LRMDA: variants seen among roughly 807,000 people sequenced by gnomAD.
The protein encoded by LRMDA is leucine-rich melanocyte differentiation-associated protein.
LRMDA carries 18 observed loss-of-function variants against 29.8 expected under a neutral mutation model. That is an observed-to-expected ratio of 0.60 (90% CI 0.42 to 0.90). The LOEUF is 0.90. Among genes scored for constraint, LRMDA ranks in the 40% least tolerant of loss-of-function variants. LRMDA has a pLI of 0.00. For missense variants in LRMDA, 273 were observed against 273.9 expected (o/e 1.00, Z 0.02); for synonymous variants, 125 against 109.4 (o/e 1.14, Z -0.89).
intron 2 of LRMDA, among the ~76,000 whole-genome samples, chr10:75,563,539 C>T (rs1313279119): frequency 5.3e-5 from 8 of 152,330 alleles, no homozygotes. Flanking sequence ...TCGTCAAAGT[C>T]ATTCTCCGTC....
chr10:75,460,837 T>A (rs899548550), intron 2 of LRMDA, among the ~76,000 whole-genome samples: 1 of 152,242 alleles, frequency 6.6e-6, no homozygotes, highest in African/African-American at 2.4e-5. Context: ...TTGATTGACA[T>A]ATTTATATAT....
At chr10:75,669,478 A>G (rs2132141702) in intron 2 of LRMDA, among the ~76,000 whole-genome samples, 1 of 152,316 alleles carries the variant, frequency 6.6e-6, no homozygotes. Context: ...TTGCATTTCT[A>G]AGTCACATAC....
chr10:76,363,276 A>AAAGG (rs1212066726), intron 6 of LRMDA, among the ~76,000 whole-genome samples: 605 of 58,850 alleles, frequency 0.01, 102 homozygotes, highest in Middle Eastern at 0.04. Flanking sequence ...GGAAGGAAGG[A>AAAGG]AAGGAAGGAA....
intron 2 of LRMDA, among the ~76,000 whole-genome samples, chr10:75,684,946 G>A (rs1481023137): frequency 6.6e-6 from 1 of 152,212 alleles, no homozygotes; most frequent in African/African-American, 2.4e-5. Flanking sequence ...GTGTGGCCAG[G>A]CATCTGTATT....
chr10:76,451,642 C>CT (rs777043341), intron 6 of LRMDA, among the ~76,000 whole-genome samples: 2,126 of 129,924 alleles, frequency 0.016, 36 homozygotes, highest in African/African-American at 0.033. Context: ...TTCTCCAATG[C>CT]TTTTTTTTTT....
intron 2 of LRMDA, among the ~76,000 whole-genome samples, chr10:75,491,406 A>C (rs1352429113): frequency 1.3e-5 from 2 of 152,204 alleles, no homozygotes; most frequent in African/African-American, 4.8e-5. Context: ...GGCCTGCGGC[A>C]CTGGCTAGTT....
intron 5 of LRMDA, among the ~76,000 whole-genome samples, chr10:76,136,326 T>C (rs979579581): frequency 6.6e-6 from 1 of 152,210 alleles, no homozygotes; most frequent in East Asian, 1.9e-4. Context: ...ATTCCCTAGA[T>C]AATTCTGTTT....
intron 2 of LRMDA, among the ~76,000 whole-genome samples, chr10:75,626,049 A>G (rs1473127023): frequency 6.6e-6 from 1 of 150,646 alleles, no homozygotes; most frequent in African/African-American, 2.4e-5. Context: ...TTTAGTAGAG[A>G]CGGGGTCTTG....
At chr10:76,457,429 C>T (rs1281870059) in intron 6 of LRMDA, among the ~76,000 whole-genome samples, 1 of 152,166 alleles carries the variant, frequency 6.6e-6, no homozygotes, top group Non-Finnish European at 1.5e-5. Context: ...CAAGGTGACA[C>T]TGCTTTTTCG....
At chr10:75,684,250 C>G (rs1317151573) in intron 2 of LRMDA, among the ~76,000 whole-genome samples, 1 of 152,118 alleles carries the variant, frequency 6.6e-6, no homozygotes, top group East Asian at 1.9e-4. Flanking sequence ...CTTTAAGAAA[C>G]CTTTAAGCTT....
chr10:75,728,981 A>G (rs1028545762), intron 2 of LRMDA, among the ~76,000 whole-genome samples: 16 of 152,024 alleles, frequency 1.1e-4, no homozygotes, highest in Admixed American at 2.0e-4. Context: ...CACTCTCTCT[A>G]TTAGCCTCCT....
intron 6 of LRMDA, among the ~76,000 whole-genome samples, chr10:76,408,783 C>A (rs1467955644): frequency 3.3e-5 from 5 of 152,172 alleles, no homozygotes; most frequent in Admixed American, 6.5e-5. Flanking sequence ...CACTGCTGGG[C>A]AATTTCTTCC....
chr10:75,606,554 T>C (rs1279751286), intron 2 of LRMDA, among the ~76,000 whole-genome samples: 1 of 152,196 alleles, frequency 6.6e-6, no homozygotes, highest in Non-Finnish European at 1.5e-5. Flanking sequence ...ACTGCACCTT[T>C]CTATTTCAAA....
chr10:75,890,235 CAA>C (rs1387372803), intron 2 of LRMDA, among the ~76,000 whole-genome samples: 3 of 152,088 alleles, frequency 2.0e-5, no homozygotes, highest in African/African-American at 7.2e-5. Context: ...GAAAATCTGT[CAA>C]AGTCAAAAAT....
chr10:75,982,714 C>T (rs1847194058), intron 2 of LRMDA, among the ~76,000 whole-genome samples: 2 of 152,112 alleles, frequency 1.3e-5, no homozygotes. Flanking sequence ...AAAAGGCATC[C>T]AAAACACCTG....
chr10:76,367,542 A>C (rs2132453679), intron 6 of LRMDA, among the ~76,000 whole-genome samples: 1 of 152,060 alleles, frequency 6.6e-6, no homozygotes, highest in South Asian at 2.1e-4. Context: ...CTCCTGCCTC[A>C]GCCTCGCAAG....
chr10:76,143,080 C>G (rs1003377145), intron 5 of LRMDA, among the ~76,000 whole-genome samples: 3 of 152,152 alleles, frequency 2.0e-5, no homozygotes, highest in African/African-American at 7.2e-5. Context: ...TTTTCTTAAT[C>G]CAGTCTATCG....
chr10:76,314,571 A>G (rs1840668752), intron 5 of LRMDA, among the ~76,000 whole-genome samples: 1 of 152,252 alleles, frequency 6.6e-6, no homozygotes, highest in Non-Finnish European at 1.5e-5. Context: ...ATCATTATAT[A>G]GTATTTTTAT....
At chr10:76,056,973 G>A (rs967096348) in intron 4 of LRMDA, among the ~76,000 whole-genome samples, 20 of 152,162 alleles carry the variant, frequency 1.3e-4, no homozygotes, top group Non-Finnish European at 2.2e-4. Flanking sequence ...TGCTCCAGAT[G>A]GGCTGCTACT....
Sources: allele counts gnomAD v4.1 joint callset (sites outside exome capture counted in the v4.1 genomes callset), GRCh38; gene constraint gnomAD v4.1.1; transcripts MANE v1.5; gene names NCBI Gene and HGNC (gene_info 2026-07-23, HGNC 2026-07-21).